The following ARL15 variants were observed in gnomAD, a reference collection of about 807,000 sequenced individuals.
ARL15 encodes ADP-ribosylation factor-like protein 15.
ARL15 carries 19 observed loss-of-function variants against 25.2 expected under a neutral mutation model. The observed-to-expected ratio is 0.75, with a 90% confidence interval of 0.53 to 1.10. The LOEUF is 1.10. Among genes scored for constraint, ARL15 ranks in the 50% least tolerant of loss-of-function variants. ARL15 has a pLI of 0.00. For missense variants in ARL15, 220 were observed against 246.0 expected, an observed-to-expected ratio of 0.89 and a Z score of 0.71; for synonymous variants, 94 against 86.8, an observed-to-expected ratio of 1.08 and a Z score of -0.46.
At chr5:54,162,024 C>CACACACAG (rs148833900) in intron 2 of ARL15, among the ~76,000 whole-genome samples, 2,765 of 145,232 alleles carry the variant, frequency 0.019, 32 homozygotes, top group African/African-American at 0.022. Context: ...CACACACACA[C>CACACACAG]AGAGAGAGAT....
chr5:54,207,579 T>C (rs1281112999), intron 1 of ARL15, among the ~76,000 whole-genome samples: 1 of 152,206 alleles, frequency 6.6e-6, no homozygotes, highest in Non-Finnish European at 1.5e-5. Flanking sequence ...TTAAAAGACA[T>C]TTTTTTAAAA....
intron 4 of ARL15, among the ~76,000 whole-genome samples, chr5:54,052,551 T>C (rs993806172): frequency 6.6e-6 from 1 of 152,092 alleles, no homozygotes; most frequent in Non-Finnish European, 1.5e-5. Flanking sequence ...AGTAAATGGA[T>C]GGTGGATAGC....
intron 4 of ARL15, among the ~76,000 whole-genome samples, chr5:53,959,451 T>G (rs1747288540): frequency 6.6e-6 from 1 of 152,074 alleles, no homozygotes; most frequent in Non-Finnish European, 1.5e-5. Flanking sequence ...CATATTTTGG[T>G]GGGGGAGATG....
Position 54,074,613 on chromosome 5 carries a change from T to C in ARL15, c.462+38589A>G, listed in dbSNP as rs555385348. Among the ~76,000 whole-genome samples, 3 of 152,284 alleles carry C rather than the reference T, an allele frequency of 2.0e-5. No homozygotes were observed. In the South Asian group the frequency reaches 6.2e-4, roughly 32 times the overall value. On this transcript the variant is annotated intron_variant, in intron 4 of 4. Transcript: ENST00000504924. ...AAGTGTCTTTCCCTGATGAAATAAA[T>C]AAAAGACAATTGCCTGTGTTATTAA...
intron 1 of ARL15, among the ~76,000 whole-genome samples, chr5:54,194,086 C>A (rs1388541467): frequency 2.0e-5 from 3 of 152,114 alleles, no homozygotes; most frequent in Admixed American, 2.0e-4. Context: ...TGGAATTATT[C>A]CGACTATTAC....
chr5:54,247,257 C>T (rs987021189), intron 1 of ARL15, among the ~76,000 whole-genome samples: 2 of 149,474 alleles, frequency 1.3e-5, no homozygotes, highest in African/African-American at 4.9e-5. Context: ...TTTTAAAACA[C>T]ATTATAAAAT....
chr5:53,914,880 A>G (rs1745587909), intron 4 of ARL15, among the ~76,000 whole-genome samples: 1 of 151,218 alleles, frequency 6.6e-6, no homozygotes, highest in South Asian at 2.1e-4. Flanking sequence ...GCGTGATCTC[A>G]GCTCACTGCA....
chr5:54,262,505 T>A (rs187498325), intron 1 of ARL15, among the ~76,000 whole-genome samples: 2 of 152,176 alleles, frequency 1.3e-5, no homozygotes, highest in East Asian at 3.9e-4. Context: ...AAAAAATGGA[T>A]CAAACTCCAG....
intron 3 of ARL15, among the ~76,000 whole-genome samples, chr5:54,120,047 T>G (rs1206973114): frequency 1.3e-5 from 2 of 152,218 alleles, no homozygotes; most frequent in African/African-American, 2.4e-5. Context: ...ATCACCATAC[T>G]CTGACCACAT....
At position 54,114,406 on chromosome 5, in the gene ARL15, G is replaced by GGAAAAAAAAAAAA. The variant is rs1342951039; in HGVS notation, c.254-997_254-996insTTTTTTTTTTTTC. On this transcript the variant is annotated intron_variant, in intron 3 of 4. Transcript: ENST00000504924. The stretch of plus-strand genomic sequence containing the variant: ...GCAACACAGCAAGGCTCCATCTCAA[G>GGAAAAAAAAAAAA]AAAAAAAAAAAAAAAAGCAACACCA... 4.6e-4 allele frequency among the ~76,000 whole-genome samples: 34 copies of GGAAAAAAAAAAAA among 74,474 alleles called. 2 individuals are homozygous for GGAAAAAAAAAAAA. The highest frequency in any genetic ancestry group is 1.5e-3 in the African/African-American group (26 of 17,548). 48.9% of individuals were successfully genotyped at this position (74,474 alleles called of 152,430 possible). A position where few individuals can be genotyped will look rare whatever the true frequency, so the allele number is the denominator to read the frequency against.
rs893997686 is a variant in ARL15 at position 54,212,833 on chromosome 5, T to TG, written c.49-40906dup. Among the ~76,000 whole-genome samples the TG allele has an allele frequency of 3.3e-5, 5 of 152,052 alleles. No homozygotes were observed. In the East Asian group the frequency reaches 5.8e-4, roughly 18 times the overall value. On this transcript the variant is annotated intron_variant, in intron 1 of 4. Transcript: ENST00000504924. ...TAGCTACCTAAAAGTAGTGATTTAA[T>TG]GGGGGGGAGATGCAGAGTGAGAAAT...
intron 4 of ARL15, among the ~76,000 whole-genome samples, chr5:53,994,224 T>C (rs1179663116): frequency 6.6e-6 from 1 of 152,158 alleles, no homozygotes; most frequent in Non-Finnish European, 1.5e-5. Flanking sequence ...AAGAAAAATA[T>C]AGCAAAAAAC....
rs532123886 is a variant in ARL15, at chr5:54,070,704, G to A, written c.462+42498C>T. ...AAAAATACAAAAAAATATTGGCTGA[G>A]TGTGGTGGCGAGCACCTGTAGTCCC... On this transcript the variant is annotated intron_variant, in intron 4 of 4. Transcript: ENST00000504924. Among the ~76,000 whole-genome samples, 15 of 152,002 alleles carry A rather than the reference G, an allele frequency of 9.9e-5. No individual in the cohort carries two copies. In the East Asian group the frequency reaches 2.9e-3, roughly 30 times the overall value.
chr5:54,119,180 T>C (rs746451261), intron 3 of ARL15, among the ~76,000 whole-genome samples: 2 of 152,178 alleles, frequency 1.3e-5, no homozygotes, highest in Non-Finnish European at 2.9e-5. Flanking sequence ...ATGGGTTCAA[T>C]GCCCCTTCAA....
chr5:54,170,029 G>A (rs1023723133), intron 2 of ARL15, among the ~76,000 whole-genome samples: 16 of 152,168 alleles, frequency 1.1e-4, no homozygotes, highest in Admixed American at 1.3e-4. Flanking sequence ...CTTACTTGCC[G>A]GCAAAAGCTG....
chr5:54,113,451 T>G (rs1199189165), intron 3 of ARL15, 41 bp from the exon 4 acceptor site: 29 of 1,580,656 alleles, frequency 1.8e-5, no homozygotes, highest in Admixed American at 3.5e-5. Context: ...AAAAGAGCTT[T>G]CAGCAACTGA....
chr5:54,271,781 T>G (rs937141489), intron 1 of ARL15, among the ~76,000 whole-genome samples: 17 of 152,136 alleles, frequency 1.1e-4, no homozygotes, highest in Admixed American at 2.0e-4. Context: ...CAGATTCACC[T>G]TATATAATAC....
rs143601093 is a variant in ARL15 at position 54,285,682 on chromosome 5, G to C, written c.48+24750C>G. ...AGCCAAGCCAGTTCTTCAGAGTCCT[G>C]CAAGCAGTATGTTAAAACTGGTAAA... On this transcript the variant is annotated intron_variant, in intron 1 of 4. Coordinates refer to ENST00000504924, the MANE Select transcript of ARL15 (RefSeq NM_019087.3). 1.6e-4 allele frequency among the ~76,000 whole-genome samples: 25 copies of C among 152,276 alleles called. No homozygotes were observed. The East Asian group carries it at 4.4e-3, about 27-fold the overall frequency.
At chr5:54,209,106 T>C (rs1579912912) in intron 1 of ARL15, among the ~76,000 whole-genome samples, 1 of 152,038 alleles carries the variant, frequency 6.6e-6, no homozygotes, top group East Asian at 1.9e-4. Context: ...TATAAAGGCA[T>C]AATAATGTAA....
Sources: gnomAD v4.1 joint callset for allele counts (sites outside exome capture counted in the v4.1 genomes callset) on GRCh38, gnomAD v4.1.1 for gene constraint, MANE v1.5 for transcripts, NCBI Gene and HGNC (gene_info 2026-07-23, HGNC 2026-07-21) for gene names.